Variants in PDE3B observed in about 807,000 individuals in gnomAD.
PDE3B encodes the protein cGMP-inhibited 3',5'-cyclic phosphodiesterase 3B.
A neutral mutation model predicts 116.8 loss-of-function variants in PDE3B; 66 were observed. The observed-to-expected ratio is 0.56, with a 90% confidence interval of 0.46 to 0.69. The LOEUF is 0.69. PDE3B is among the 30% of genes least tolerant of loss of function. The pLI, the probability that PDE3B is intolerant of heterozygous loss-of-function variation, is 0.00. For synonymous variants in PDE3B, 595 were observed against 533.6 expected (o/e 1.12, Z -1.59); for missense variants, 1,384 against 1,368.1 (o/e 1.01, Z -0.18).
chr11:14,875,419 C>T (rs1555009584), downstream of PDE3B, among the ~76,000 whole-genome samples: 2 of 152,052 alleles, frequency 1.3e-5, no homozygotes, highest in Non-Finnish European at 2.9e-5. Context: ...TTCAGTGATA[C>T]ATGAGAAAAA....
At chr11:14,749,823 T>C (rs1255645177) in intron 1 of PDE3B, among the ~76,000 whole-genome samples, 1 of 142,030 alleles carries the variant, frequency 7.0e-6, no homozygotes, top group Admixed American at 7.3e-5. Flanking sequence ...CATCCTCCTA[T>C]ATCCCATAAA....
intron 1 of PDE3B, among the ~76,000 whole-genome samples, chr11:14,714,104 G>T (rs1179769566): frequency 6.6e-6 from 1 of 151,872 alleles, no homozygotes; most frequent in Admixed American, 6.6e-5. Context: ...ATTGATGATT[G>T]GTTAAAGAGG....
chr11:14,866,648 T>A (rs1284736311), intron 14 of PDE3B, among the ~76,000 whole-genome samples: 1 of 152,206 alleles, frequency 6.6e-6, no homozygotes, highest in Non-Finnish European at 1.5e-5. Context: ...CAGAGTTATG[T>A]TGGCTCATTA....
At chr11:14,822,280 C>T (rs558744263) in intron 7 of PDE3B, among the ~76,000 whole-genome samples, 1 of 152,188 alleles carries the variant, frequency 6.6e-6, no homozygotes, top group South Asian at 2.1e-4. Flanking sequence ...TAATCAGCAC[C>T]CAGATCCAGA....
At position 14,861,277 on chromosome 11, in the gene PDE3B, A is replaced by T. The variant is rs376523505; in HGVS notation, c.2797A>T (p.Ile933Phe). The T allele has an allele frequency of 3.4e-5, 55 of 1,612,302 alleles. No individual in the cohort carries two copies. Among genetic ancestry groups the T allele is most frequent in the Non-Finnish European group, 4.5e-5 (53 of 1,178,446 alleles). The stretch of plus-strand genomic sequence containing the variant: ...TCGCCTCTTGGTATGCCAGGTGTGC[A>T]TCAAACTGGCAGATATAAATGGCCC... ...NDRLLVCQVCIKLADINGPAK... is the reference protein window; with the variant it reads ...NDRLLVCQVCFKLADINGPAK... The change falls in exon 14 of 16, where the codon ATC becomes TTC. Residue 933 changes from isoleucine to phenylalanine, a missense_variant. This residue lies in a region of PDE3B where 428 missense variants were observed against 561.4 expected (regional missense o/e 0.76). Coordinates refer to ENST00000282096, the MANE Select transcript of PDE3B (RefSeq NM_000922.4).
the PDE3B span, among the ~76,000 whole-genome samples, chr11:14,892,458 C>T: frequency 6.6e-6 from 1 of 152,208 alleles, no homozygotes; most frequent in Non-Finnish European, 1.5e-5. Context: ...AGCAATGAGC[C>T]AGGAGTCCGT....
the PDE3B span, chr11:14,885,711 C>T: frequency 6.4e-7 from 1 of 1,552,372 alleles, no homozygotes; most frequent in Non-Finnish European, 8.9e-7. Context: ...TGCACTAAAA[C>T]TTAAAATAAG....
chr11:14,722,172 CG>C (rs1235910812), intron 1 of PDE3B, among the ~76,000 whole-genome samples: 4 of 104,260 alleles, frequency 3.8e-5, no homozygotes, highest in Non-Finnish European at 7.8e-5. Flanking sequence ...AATAGGGGGA[CG>C]GGGGAGGGAA....
At chr11:14,892,025 G>C in the PDE3B span, 1 of 1,613,368 alleles carries the variant, frequency 6.2e-7, no homozygotes, top group Non-Finnish European at 8.5e-7. Context: ...ACATGGGGAA[G>C]CTCGGATGAG....
intron 5 of PDE3B, among the ~76,000 whole-genome samples, chr11:14,805,625 C>T (rs930264467): frequency 3.3e-5 from 5 of 152,168 alleles, no homozygotes; most frequent in East Asian, 1.9e-4. Flanking sequence ...AGTAGAAAAA[C>T]GTACATTTTT....
chr11:14,702,675 A>G (rs1855400727), intron 1 of PDE3B, among the ~76,000 whole-genome samples: 1 of 151,894 alleles, frequency 6.6e-6, no homozygotes, highest in Non-Finnish European at 1.5e-5. Context: ...ATTAAGTAAA[A>G]TTAGAGATTC....
At position 14,644,324 on chromosome 11, in the gene PDE3B, C is replaced by A; in HGVS notation, c.249C>A (p.Gly83=). 2 of 1,570,098 alleles carry A rather than the reference C, an allele frequency of 1.3e-6. No individual in the cohort carries two copies. The highest frequency in any genetic ancestry group is 1.7e-6 in the Non-Finnish European group (2 of 1,163,586). Residue 83 remains glycine, a synonymous_variant, in exon 1 of 16, where the codon GGC becomes GGA. Transcript: ENST00000282096. The stretch of plus-strand genomic sequence containing the variant: ...TCTGCCGGGCGCGCCTCTCGCTGGG[C>A]GCCCTGGCTGCCTTTGTCCTCGCCC... ...SPFCRARLSL[G]ALAAFVLALL...
chr11:14,705,365 A>T (rs1478219703), intron 1 of PDE3B, among the ~76,000 whole-genome samples: 2 of 151,842 alleles, frequency 1.3e-5, no homozygotes, highest in Non-Finnish European at 3.0e-5. Context: ...TAACAAAAAC[A>T]TGACGCTAAA....
In PDE3B at chr11:14,644,503, C is replaced by T. The variant is rs931878829; in HGVS notation, c.428C>T (p.Pro143Leu). ...TCFLTRTKRG[P>L]GPGRSCGSWW... is the part of the protein sequence containing the mutation. The stretch of plus-strand genomic sequence containing the variant: ...TTCCTCACCCGGACCAAGCGGGGAC[C>T]CGGCCCGGGCCGGAGCTGCGGCTCC... Residue 143 changes from proline (P) to leucine (L), a missense_variant, in exon 1 of 16, where the codon CCC (proline) becomes CTC (leucine). Coordinates refer to ENST00000282096, the MANE Select transcript of PDE3B (RefSeq NM_000922.4). 4 of 1,610,326 alleles carry T rather than the reference C, an allele frequency of 2.5e-6. No homozygotes were observed. The highest frequency in any genetic ancestry group is 3.4e-6 in the Non-Finnish European group (4 of 1,178,440).
At chr11:14,857,702 G>A (rs2133988329) in intron 12 of PDE3B, among the ~76,000 whole-genome samples, 1 of 152,282 alleles carries the variant, frequency 6.6e-6, no homozygotes, top group East Asian at 1.9e-4. Context: ...AATGGTGAAA[G>A]AATTCCGAAC....
the PDE3B span, among the ~76,000 whole-genome samples, chr11:14,889,552 T>C: frequency 3.3e-5 from 5 of 152,180 alleles, no homozygotes; most frequent in Admixed American, 6.5e-5. Flanking sequence ...CTCTGCCCCA[T>C]TGCAGCTAGT....
At chr11:14,831,871 G>T in intron 9 of PDE3B, 94 bp downstream of exon 9, 1 of 716,214 alleles carries the variant, frequency 1.4e-6, no homozygotes. Context: ...TTAAGCACTA[G>T]TTCAACAATG....
chr11:14,846,567 C>A (rs1847607388), intron 12 of PDE3B, among the ~76,000 whole-genome samples: 2 of 152,136 alleles, frequency 1.3e-5, no homozygotes, highest in South Asian at 4.2e-4. Context: ...GAGTCAAGAC[C>A]CATCAGTGTG....
chr11:14,716,480 CA>C lies in PDE3B; in HGVS notation c.979-55452del, dbSNP rs1393679228. Among the ~76,000 whole-genome samples the C allele has an allele frequency of 1.8e-4, 27 of 150,956 alleles. No homozygotes were observed. In the South Asian group the frequency reaches 5.5e-3, roughly 31 times the overall value. ...CCTCTGGGGGCAGGGCACAGACAAA[CA>C]AAAAGACAGCAGGAACCTCTGCAGA... On this transcript the variant is annotated intron_variant, in intron 1 of 15. Coordinates refer to ENST00000282096, the MANE Select transcript of PDE3B (RefSeq NM_000922.4).
Sources: allele counts gnomAD v4.1 joint callset (sites outside exome capture counted in the v4.1 genomes callset), GRCh38; gene constraint gnomAD v4.1.1; regional missense constraint gnomAD v4.1.1; transcripts MANE v1.5; gene names NCBI Gene and HGNC (gene_info 2026-07-23, HGNC 2026-07-21).